The following STARD8 variants were observed in gnomAD, a reference collection of about 807,000 sequenced individuals.
STARD8 encodes StAR related lipid transfer domain containing 8.
A neutral mutation model predicts 69.4 loss-of-function variants in STARD8; 25 were observed. That is an observed-to-expected ratio of 0.36 (90% CI 0.26 to 0.50). STARD8 has a LOEUF of 0.50. Among genes scored for constraint, STARD8 ranks in the 20% least tolerant of loss-of-function variants. The probability of loss-of-function intolerance (pLI) is 0.96; values close to 1 mark genes in which losing one functional copy is unlikely to be tolerated. For synonymous variants in STARD8, 389 were observed against 374.6 expected, an observed-to-expected ratio of 1.04 and a Z score of -0.45; for missense variants, 921 against 932.5, an observed-to-expected ratio of 0.99 and a Z score of 0.16.
At chrX:68,704,774 C>G (rs1180385549) in intron 2 of STARD8, among the ~76,000 whole-genome samples, 2 of 110,994 alleles carry the variant, frequency 1.8e-5, no homozygotes, top group African/African-American at 6.6e-5. Context: ...GAAGGAAGCT[C>G]CCCGCACTGA....
intron 2 of STARD8, among the ~76,000 whole-genome samples, chrX:68,674,293 C>CAAA (rs60245351): frequency 8.4e-5 from 3 of 35,635 alleles, no homozygotes; most frequent in Non-Finnish European, 6.6e-5. Flanking sequence ...AACTCCGTCT[C>CAAA]AAAAAAAAAA....
chrX:68,652,445 C>T (rs903431563), intron 1 of STARD8, among the ~76,000 whole-genome samples: 2 of 111,098 alleles, frequency 1.8e-5, no homozygotes, highest in Non-Finnish European at 3.8e-5. Flanking sequence ...AAAGGCCAGG[C>T]CAGGGCTCAG....
intron 2 of STARD8, among the ~76,000 whole-genome samples, chrX:68,695,885 C>T (rs2079916017): frequency 8.9e-6 from 1 of 111,841 alleles, no homozygotes; most frequent in South Asian, 3.7e-4. Context: ...AAGAAGGTCC[C>T]AAAGGAAGGA....
At position 68,717,395 on chromosome X, in the gene STARD8, A is replaced by G; in HGVS notation, c.481A>G (p.Ile161Val). 8.3e-7 allele frequency: 1 copy of G among 1,208,701 alleles called. No homozygotes were observed. Among genetic ancestry groups the G allele is most frequent in the South Asian group, 1.8e-5 (1 of 56,623 alleles). Residue 161 changes from isoleucine (I) to valine (V), a missense_variant, in exon 6 of 15, where the codon ATC becomes GTC. Ile to Val is a conservative substitution (Grantham distance 29). Transcript: ENST00000374599. ...GCTTAGTGCCACCTCTCTGCCAGTC[A>G]TCACCGTGAGCCTACCACCCGAGCC... Reference protein sequence around the residue: ...TELSATSLPVITVSLPPEPAD... With the variant: ...TELSATSLPVVTVSLPPEPAD...
chrX:68,652,884 A>ACACACACCACAC (rs2079561786), intron 1 of STARD8, among the ~76,000 whole-genome samples: 1 of 46,751 alleles, frequency 2.1e-5, no homozygotes, highest in Non-Finnish European at 3.7e-5. Context: ...CACACCCCAC[A>ACACACACCACAC]CACACACACC....
chrX:68,684,201 GC>G (rs1304524996), intron 2 of STARD8, among the ~76,000 whole-genome samples: 1 of 112,621 alleles, frequency 8.9e-6, no homozygotes. Flanking sequence ...TCAGTAAGGT[GC>G]CCCCTCTCCT....
chrX:68,671,657 GATGA>G (rs2147885786), intron 2 of STARD8, among the ~76,000 whole-genome samples: 1 of 112,572 alleles, frequency 8.9e-6, no homozygotes, highest in African/African-American at 3.2e-5. Flanking sequence ...ACTGGCTCCA[GATGA>G]CAAAACCTCT....
At chrX:68,652,138 G>GT (rs1330020748) in intron 1 of STARD8, among the ~76,000 whole-genome samples, 2 of 110,502 alleles carry the variant, frequency 1.8e-5, no homozygotes, top group African/African-American at 6.6e-5. Flanking sequence ...AATTACAGGC[G>GT]TAAGTCACCA....
At chrX:68,697,526 G>A (rs757208380) in intron 2 of STARD8, among the ~76,000 whole-genome samples, 1 of 112,390 alleles carries the variant, frequency 8.9e-6, no homozygotes, top group Non-Finnish European at 1.9e-5. Context: ...TTTGGGGTAC[G>A]CAGGTCTGGG....
intron 2 of STARD8, among the ~76,000 whole-genome samples, chrX:68,679,505 C>T (rs2079787392): frequency 8.9e-6 from 1 of 112,186 alleles, no homozygotes; most frequent in African/African-American, 3.2e-5. Context: ...CATGAAGGGA[C>T]AATCACTTGG....
chrX:68,674,507 G>A (rs1239566946), intron 2 of STARD8, among the ~76,000 whole-genome samples: 2 of 110,468 alleles, frequency 1.8e-5, no homozygotes, highest in African/African-American at 3.3e-5. Context: ...GGGTAGAAAC[G>A]TCTCATTTTT....
intron 2 of STARD8, among the ~76,000 whole-genome samples, chrX:68,688,351 G>T (rs1281770685): frequency 9.0e-6 from 1 of 111,150 alleles, no homozygotes; most frequent in Non-Finnish European, 1.9e-5. Context: ...ACATTGTCAA[G>T]CCCTAGAGAC....
intron 2 of STARD8, among the ~76,000 whole-genome samples, chrX:68,706,382 AG>A (rs1306315046): frequency 8.9e-6 from 1 of 112,045 alleles, no homozygotes; most frequent in Non-Finnish European, 1.9e-5. Context: ...CAGCAGGAGC[AG>A]AGAGAGGCAC....
chrX:68,706,255 C>T (rs1002690481), intron 2 of STARD8, among the ~76,000 whole-genome samples: 1 of 111,388 alleles, frequency 9.0e-6, no homozygotes, highest in Admixed American at 9.5e-5. Flanking sequence ...GCCCTTCCTG[C>T]GGTGCCCCTC....
intron 2 of STARD8, among the ~76,000 whole-genome samples, chrX:68,700,103 G>T (rs1264646987): frequency 1.8e-5 from 2 of 111,914 alleles, no homozygotes; most frequent in Non-Finnish European, 1.9e-5. Context: ...ACTGAAGCCG[G>T]AAATGAGTAT....
At chrX:68,653,850 C>T (rs972884891) in intron 1 of STARD8, among the ~76,000 whole-genome samples, 3 of 111,786 alleles carry the variant, frequency 2.7e-5, no homozygotes, top group African/African-American at 9.8e-5. Flanking sequence ...TATTCTTTTG[C>T]CCCCTTCCAG....
In STARD8 at chrX:68,718,363, G is replaced by GGCCCCGGCCCCA. The variant is rs754444530; in HGVS notation, c.1461_1472dup (p.Pro491_Ala494dup). ...AACCAGTGGCACAGGAAGAGGCTGA[G>GGCCCCGGCCCCA]GCCCCGGCCCCAGCCCCGGCCCCGG... On this transcript the variant is annotated inframe_insertion, in exon 6 of 15. Transcript: ENST00000374599. 12 of 1,204,592 alleles carry GGCCCCGGCCCCA rather than the reference G, an allele frequency of 1.0e-5. No homozygotes were observed. Among genetic ancestry groups the GGCCCCGGCCCCA allele is most frequent in the Admixed American group, 8.8e-5 (4 of 45,564 alleles).
intron 2 of STARD8, among the ~76,000 whole-genome samples, chrX:68,668,093 CTTTCTTTCTTTCT>C (rs1449912921): frequency 1.0e-5 from 1 of 96,034 alleles, no homozygotes; most frequent in African/African-American, 4.0e-5. Flanking sequence ...TTCTTTCTTT[CTTTCTTTCTTTCT>C]TTCTTTCTGT....
intron 2 of STARD8, among the ~76,000 whole-genome samples, chrX:68,693,468 G>A (rs1026848472): frequency 8.9e-6 from 1 of 112,773 alleles, no homozygotes; most frequent in Non-Finnish European, 1.9e-5. Context: ...CGGTGTGACC[G>A]GAGGGAAAGG....
Sources: allele counts gnomAD v4.1 joint callset (sites outside exome capture counted in the v4.1 genomes callset), GRCh38; gene constraint gnomAD v4.1.1; transcripts MANE v1.5; gene names NCBI Gene and HGNC (gene_info 2026-07-23, HGNC 2026-07-21).